The following PKHD1 variants were observed in gnomAD, a reference collection of about 807,000 sequenced individuals.
PKHD1 encodes the protein PKHD1 ciliary IPT domain containing fibrocystin/polyductin, also known as fibrocystin.
In PKHD1, 291 loss-of-function variants were observed where a neutral mutation model predicts 412.0. The ratio of observed to expected loss-of-function variants is 0.71; its 90% CI spans 0.64 to 0.78. The LOEUF (loss-of-function observed/expected upper bound fraction) is 0.78. Among genes scored for constraint, PKHD1 ranks in the 30% least tolerant of loss-of-function variants. The pLI, the probability that PKHD1 is intolerant of heterozygous loss-of-function variation, is 0.00. For synonymous variants in PKHD1, 1,777 were observed against 1,821.5 expected (o/e 0.98, Z 0.62); for missense variants, 4,825 against 4,950.7 (o/e 0.97, Z 0.76).
intron 60 of PKHD1, among the ~76,000 whole-genome samples, chr6:51,728,337 C>G (rs966024321): frequency 6.6e-6 from 1 of 152,148 alleles, no homozygotes; most frequent in East Asian, 1.9e-4. Flanking sequence ...GTCACGCTAC[C>G]TTATACCTCT....
chr6:51,772,150 T>C (rs1790248900), intron 55 of PKHD1, among the ~76,000 whole-genome samples: 1 of 152,110 alleles, frequency 6.6e-6, no homozygotes, highest in Admixed American at 6.6e-5. Context: ...CTGATCTCTA[T>C]TTCTAGTACT....
chr6:52,065,338 A>G (rs955541939), intron 12 of PKHD1, among the ~76,000 whole-genome samples: 2 of 151,832 alleles, frequency 1.3e-5, no homozygotes, highest in African/African-American at 2.4e-5. Context: ...GAGAGAGTGC[A>G]GAGCAGCAGA....
chr6:52,028,306 G>T lies in PKHD1; in HGVS notation c.3410C>A (p.Thr1137Lys), dbSNP rs753409918. Reference protein sequence around the residue: ...VIGVARLMNYTDLDVEVHVQD... With the variant: ...VIGVARLMNYKDLDVEVHVQD... The stretch of plus-strand genomic sequence containing the variant: ...GACGTGGACTTCCACATCCAAATCC[G>T]TATAGTTCATCAGCCTCGCCACTCC... The change falls in exon 30 of 67, where the codon ACG (threonine) becomes AAG (lysine). Residue 1137 changes from threonine to lysine, a missense_variant. By Grantham distance (78) the Thr-to-Lys change is moderately conservative. Coordinates refer to ENST00000371117, the MANE Select transcript of PKHD1 (RefSeq NM_138694.4). The T allele has an allele frequency of 6.2e-7, 1 of 1,614,036 alleles. No individual in the cohort carries two copies. The highest frequency in any genetic ancestry group is 1.7e-5 in the Admixed American group (1 of 60,024).
chr6:51,724,795 C>G (rs1160333732), intron 60 of PKHD1, among the ~76,000 whole-genome samples: 2 of 151,928 alleles, frequency 1.3e-5, no homozygotes, highest in Non-Finnish European at 2.9e-5. Context: ...TCACAAGTGT[C>G]CTTATAAGAA....
At chr6:51,717,406 C>T (rs1359478335) in intron 60 of PKHD1, among the ~76,000 whole-genome samples, 5 of 139,698 alleles carry the variant, frequency 3.6e-5, no homozygotes. Flanking sequence ...GAGCAAAACT[C>T]TGTCTCAAAA....
At chr6:52,019,505 A>G (rs185058979) in intron 33 of PKHD1, among the ~76,000 whole-genome samples, 1 of 152,358 alleles carries the variant, frequency 6.6e-6, no homozygotes, top group African/African-American at 2.4e-5. Context: ...CCCTAAGGCA[A>G]ATAAAAACAA....
intron 34 of PKHD1, 152 bp downstream of exon 34, chr6:52,017,258 G>A: frequency 1.4e-6 from 1 of 702,996 alleles, no homozygotes. Context: ...CAGGCTGGCT[G>A]GAATCCACAA....
chr6:51,903,561 C>T, intron 43 of PKHD1, 36 bp downstream of exon 43: 1 of 1,593,642 alleles, frequency 6.3e-7, no homozygotes, highest in Non-Finnish European at 8.6e-7. Context: ...TATGCCCTCT[C>T]AGTTCTGGTC....
chr6:51,984,473 T>A (rs1795969626), intron 35 of PKHD1, among the ~76,000 whole-genome samples: 1 of 152,220 alleles, frequency 6.6e-6, no homozygotes, highest in African/African-American at 2.4e-5. Context: ...TGCACAAAAT[T>A]TACATGTTGT....
intron 48 of PKHD1, among the ~76,000 whole-genome samples, chr6:51,866,058 T>C (rs1775020197): frequency 6.6e-6 from 1 of 152,112 alleles, no homozygotes; most frequent in South Asian, 2.1e-4. Context: ...CTGCTGCTGC[T>C]GCTGGTCCAT....
chr6:52,055,427 T>C (rs1807560944), intron 19 of PKHD1, among the ~76,000 whole-genome samples, 160 bp downstream of exon 19: 1 of 152,224 alleles, frequency 6.6e-6, no homozygotes, highest in Non-Finnish European at 1.5e-5. Context: ...TGTCCATTCA[T>C]ACCTGAAACA....
chr6:51,662,404 G>A (rs916883091), intron 60 of PKHD1, among the ~76,000 whole-genome samples: 7 of 151,548 alleles, frequency 4.6e-5, no homozygotes, highest in East Asian at 3.9e-4. Flanking sequence ...ATTAGTTTTC[G>A]CAATGTATAT....
intron 27 of PKHD1, among the ~76,000 whole-genome samples, chr6:52,036,366 A>T (rs1803949906): frequency 6.6e-6 from 1 of 152,180 alleles, no homozygotes; most frequent in African/African-American, 2.4e-5. Context: ...AGAAATCCCC[A>T]TTTCTTCCCT....
intron 41 of PKHD1, among the ~76,000 whole-genome samples, chr6:51,904,520 A>G (rs1781774608): frequency 1.3e-5 from 2 of 152,192 alleles, no homozygotes; most frequent in African/African-American, 4.8e-5. Flanking sequence ...CTTAAGGGCT[A>G]TCAATAAAGA....
chr6:51,784,063 A>G (rs1467961620), intron 53 of PKHD1, among the ~76,000 whole-genome samples: 1 of 152,204 alleles, frequency 6.6e-6, no homozygotes, highest in African/African-American at 2.4e-5. Context: ...ATAATGCAGT[A>G]GGTACTAGGG....
intron 54 of PKHD1, among the ~76,000 whole-genome samples, chr6:51,773,100 T>C (rs113981800): frequency 6.6e-6 from 1 of 152,162 alleles, no homozygotes; most frequent in Middle Eastern, 3.4e-3. Context: ...CTTTCCACTC[T>C]TACGTGACTC....
intron 60 of PKHD1, chr6:51,721,107 G>A: frequency 1.0e-6 from 1 of 983,528 alleles, no homozygotes; most frequent in Non-Finnish European, 1.2e-6. Context: ...TCCTCCATCA[G>A]TGCACAAGAA....
intron 60 of PKHD1, among the ~76,000 whole-genome samples, chr6:51,729,718 C>T: frequency 6.6e-6 from 1 of 152,122 alleles, no homozygotes; most frequent in East Asian, 1.9e-4. Flanking sequence ...TGCAAATTAT[C>T]ACACTTTTTA....
chr6:51,846,033 T>C (rs1238877857), intron 50 of PKHD1, among the ~76,000 whole-genome samples: 1 of 152,220 alleles, frequency 6.6e-6, no homozygotes, highest in Non-Finnish European at 1.5e-5. Flanking sequence ...TTTACTCTTA[T>C]TTATGGCTGT....
Sources: allele counts gnomAD v4.1 joint callset (sites outside exome capture counted in the v4.1 genomes callset), GRCh38; gene constraint gnomAD v4.1.1; transcripts MANE v1.5; gene names NCBI Gene and HGNC (gene_info 2026-07-23, HGNC 2026-07-21).